CELF4: variants seen among roughly 807,000 people sequenced by gnomAD.
The protein encoded by CELF4 is CUG-BP- and ETR-3-like factor 4.
In CELF4, 18 loss-of-function variants were observed where a neutral mutation model predicts 59.9. The ratio of observed to expected loss-of-function variants is 0.30; its 90% confidence interval spans 0.21 to 0.45. The LOEUF is 0.45. Among genes scored for constraint, CELF4 ranks in the 20% least tolerant of loss-of-function variants. The pLI is 1.00. For synonymous variants in CELF4, 261 were observed against 267.1 expected (o/e 0.98, Z 0.22); for missense variants, 456 against 689.0 (o/e 0.66, Z 3.79).
intron 2 of CELF4, among the ~76,000 whole-genome samples, chr18:37,434,268 T>A (rs1167125747): frequency 6.6e-6 from 1 of 152,198 alleles, no homozygotes; most frequent in Admixed American, 6.5e-5. Context: ...AGGGTTTGGG[T>A]TACTCTGAGG....
chr18:37,528,619 G>T (rs990779294), intron 1 of CELF4, among the ~76,000 whole-genome samples: 5 of 152,222 alleles, frequency 3.3e-5, no homozygotes, highest in Non-Finnish European at 2.9e-5. Flanking sequence ...AACAGAAAGT[G>T]TGTGTGGGTG....
At chr18:37,530,708 C>T (rs2099968651) in intron 1 of CELF4, among the ~76,000 whole-genome samples, 1 of 152,096 alleles carries the variant, frequency 6.6e-6, no homozygotes, top group Non-Finnish European at 1.5e-5. Flanking sequence ...CTTCCTCCTC[C>T]TGGTGGTGAC....
At chr18:37,354,154 T>A (rs769369439) in intron 2 of CELF4, among the ~76,000 whole-genome samples, 15 of 152,190 alleles carry the variant, frequency 9.9e-5, no homozygotes, top group Non-Finnish European at 1.9e-4. Flanking sequence ...AAGTGAACTA[T>A]GCTGAGCACC....
intron 3 of CELF4, among the ~76,000 whole-genome samples, chr18:37,293,704 C>T (rs11081996): frequency 0.48 from 72,860 of 151,878 alleles, 17,889 homozygotes; most frequent in South Asian, 0.63. Flanking sequence ...CCAGGTGAGT[C>T]GCCTAGCAGG....
In CELF4 at chr18:37,503,182, C is replaced by T. The variant is rs565812760; in HGVS notation, c.287-17575G>A. On this transcript the variant is annotated intron_variant, in intron 1 of 12. Coordinates refer to ENST00000420428, the MANE Select transcript of CELF4 (RefSeq NM_020180.4). ...AAGGCCAGATACTGCGCTTTCTCTC[C>T]CCTGGCCTCCCCTGGGATGGTTCTG... Among the ~76,000 whole-genome samples the T allele has an allele frequency of 1.2e-4, 19 of 152,334 alleles. No homozygotes were observed. The South Asian group carries it at 3.1e-3, about 25-fold the overall frequency.
chr18:37,500,537 CTTT>C (rs10714673), intron 1 of CELF4, among the ~76,000 whole-genome samples: 4 of 98,926 alleles, frequency 4.0e-5, no homozygotes, highest in Non-Finnish European at 4.3e-5. Flanking sequence ...TTTTCTTTTT[CTTT>C]TTTTTTTTTT....
At chr18:37,393,769 A>G (rs979795273) in intron 2 of CELF4, among the ~76,000 whole-genome samples, 12 of 151,500 alleles carry the variant, frequency 7.9e-5, no homozygotes, top group Non-Finnish European at 1.5e-4. Flanking sequence ...CCCATCCCCA[A>G]TCTGAGCAAT....
intron 2 of CELF4, among the ~76,000 whole-genome samples, chr18:37,400,610 T>C (rs2099314926): frequency 6.6e-6 from 1 of 152,150 alleles, no homozygotes; most frequent in African/African-American, 2.4e-5. Flanking sequence ...TAAAATACAT[T>C]CTCTTCTTCT....
chr18:37,517,162 C>A (rs979341437), intron 1 of CELF4, among the ~76,000 whole-genome samples: 28 of 152,212 alleles, frequency 1.8e-4, no homozygotes, highest in African/African-American at 5.1e-4. Context: ...TCCCCATGCC[C>A]TGCTTGGAAG....
In CELF4 at chr18:37,460,743, C is replaced by T. The variant is rs375306500; in HGVS notation, c.369+24782G>A. ...AGGAACTATTTGCTAATGCTGGTTACCATTTGAACCATTACTCAACACTGG... is the reference window on the plus strand; with the variant it reads ...AGGAACTATTTGCTAATGCTGGTTATCATTTGAACCATTACTCAACACTGG... On this transcript the variant is annotated intron_variant, in intron 2 of 12. Transcript: ENST00000420428. 6.6e-5 allele frequency among the ~76,000 whole-genome samples: 10 copies of T among 152,326 alleles called. No homozygotes were observed. The East Asian group carries it at 1.7e-3, about 26-fold the overall frequency.
chr18:37,314,604 T>C (rs1193908369), intron 3 of CELF4, among the ~76,000 whole-genome samples: 2 of 152,158 alleles, frequency 1.3e-5, no homozygotes, highest in African/African-American at 2.4e-5. Context: ...AAGATGTTCA[T>C]TCACCCTCTG....
intron 3 of CELF4, among the ~76,000 whole-genome samples, chr18:37,302,306 A>G (rs566886267): frequency 1.3e-5 from 2 of 152,254 alleles, no homozygotes; most frequent in African/African-American, 4.8e-5. Flanking sequence ...GGGAGAATAG[A>G]ATTCCTGTCT....
intron 2 of CELF4, among the ~76,000 whole-genome samples, chr18:37,416,432 G>T (rs2099529411): frequency 6.6e-6 from 1 of 152,114 alleles, no homozygotes; most frequent in Non-Finnish European, 1.5e-5. Flanking sequence ...CTAGTCCTTA[G>T]CTTGACTGCA....
At chr18:37,363,202 G>C (rs115647413) in intron 2 of CELF4, among the ~76,000 whole-genome samples, 1 of 152,110 alleles carries the variant, frequency 6.6e-6, no homozygotes, top group African/African-American at 2.4e-5. Flanking sequence ...GGGTGGGGGA[G>C]GTTAGGAGGT....
At chr18:37,269,115 C>A (rs991062444) in intron 8 of CELF4, among the ~76,000 whole-genome samples, 9 of 152,098 alleles carry the variant, frequency 5.9e-5, no homozygotes, top group Non-Finnish European at 1.3e-4. Flanking sequence ...GATGCCATCT[C>A]CCAGCCCATG....
intron 3 of CELF4, among the ~76,000 whole-genome samples, chr18:37,296,000 C>T (rs544844253): frequency 6.6e-6 from 1 of 152,330 alleles, no homozygotes; most frequent in South Asian, 2.1e-4. Flanking sequence ...CTGAAGTCCT[C>T]GGCATGTGCA....
At chr18:37,370,847 AT>A (rs1334498017) in intron 2 of CELF4, among the ~76,000 whole-genome samples, 2 of 152,090 alleles carry the variant, frequency 1.3e-5, no homozygotes, top group African/African-American at 2.4e-5. Context: ...TTTTTGTGTA[AT>A]TTTTACCCAG....
intron 10 of CELF4, among the ~76,000 whole-genome samples, chr18:37,260,907 C>T (rs932619219): frequency 2.6e-5 from 4 of 152,066 alleles, no homozygotes; most frequent in East Asian, 1.9e-4. Flanking sequence ...CATTCAGAAC[C>T]GGGCACAAAC....
At chr18:37,406,643 T>G (rs927768413) in intron 2 of CELF4, among the ~76,000 whole-genome samples, 2 of 152,114 alleles carry the variant, frequency 1.3e-5, no homozygotes, top group Non-Finnish European at 2.9e-5. Flanking sequence ...CAAAGCACAT[T>G]GAAAGAAGAA....
Sources: gnomAD v4.1 joint callset for allele counts (sites outside exome capture counted in the v4.1 genomes callset) on GRCh38, gnomAD v4.1.1 for gene constraint, MANE v1.5 for transcripts, NCBI Gene and HGNC (gene_info 2026-07-23, HGNC 2026-07-21) for gene names.